Variants in PPP6C observed in about 807,000 individuals in gnomAD.
PPP6C encodes the protein serine/threonine-protein phosphatase 6 catalytic subunit.
Under a neutral mutation model 39.8 loss-of-function variants are expected in PPP6C, and 11 were observed. The ratio of observed to expected loss-of-function variants is 0.28; its 90% CI spans 0.17 to 0.46. PPP6C has a LOEUF of 0.46. Ranked by LOEUF, PPP6C falls within the 20% of genes least tolerant of loss-of-function variation. PPP6C has a pLI of 1.00. For synonymous variants in PPP6C, 129 were observed against 130.3 expected, an observed-to-expected ratio of 0.99 and a Z score of 0.07; for missense variants, 211 against 373.9, an observed-to-expected ratio of 0.56 and a Z score of 3.59.
intron 1 of PPP6C, among the ~76,000 whole-genome samples, chr9:125,172,363 C>A (rs900744503): frequency 6.6e-6 from 1 of 152,004 alleles, no homozygotes; most frequent in Non-Finnish European, 1.5e-5. Context: ...TACAGGCACA[C>A]ACCATCATGC....
At chr9:125,189,539 T>G (rs1014107090) in intron 1 of PPP6C, 105 bp downstream of exon 1, 3 of 1,549,470 alleles carry the variant, frequency 1.9e-6, no homozygotes, top group Non-Finnish European at 2.6e-6. Context: ...GGGGAGGCCC[T>G]CCACCGCGAC....
At chr9:125,181,983 A>G (rs1051982270) in intron 1 of PPP6C, among the ~76,000 whole-genome samples, 1 of 152,166 alleles carries the variant, frequency 6.6e-6, no homozygotes, top group African/African-American at 2.4e-5. Flanking sequence ...TAACTTTTTA[A>G]TGATTGCCAT....
intron 1 of PPP6C, among the ~76,000 whole-genome samples, chr9:125,174,321 G>A (rs536810481): frequency 6.6e-6 from 1 of 152,152 alleles, no homozygotes; most frequent in African/African-American, 2.4e-5. Context: ...GAGTGGGAGG[G>A]GGGAAAAAAG....
chr9:125,189,341 C>G (rs1341363494), intron 1 of PPP6C, among the ~76,000 whole-genome samples: 1 of 152,222 alleles, frequency 6.6e-6, no homozygotes, highest in South Asian at 2.1e-4. Flanking sequence ...GGTGGGGAGC[C>G]GAGCCTTCTA....
intron 2 of PPP6C, 106 bp downstream of exon 2, chr9:125,170,979 A>T: frequency 1.5e-6 from 1 of 684,396 alleles, no homozygotes; most frequent in Non-Finnish European, 2.3e-6. Context: ...GCTTACCACC[A>T]GTTGTGTTTG....
At chr9:125,171,231 A>G (rs1210760390) in intron 1 of PPP6C, 51 bp from the exon 2 acceptor site, 2 of 1,391,000 alleles carry the variant, frequency 1.4e-6, no homozygotes, top group Non-Finnish European at 2.0e-6. Flanking sequence ...ATTAAAACTA[A>G]AGATAAAATA....
chr9:125,172,704 G>C (rs2131330514), intron 1 of PPP6C, among the ~76,000 whole-genome samples: 1 of 146,490 alleles, frequency 6.8e-6, no homozygotes, highest in South Asian at 2.2e-4. Context: ...AAACTGCAAA[G>C]AACTGAATAC....
chr9:125,165,795 C>CTTTTTTTTTTTT (rs781221037), intron 2 of PPP6C, among the ~76,000 whole-genome samples: 34 of 113,582 alleles, frequency 3.0e-4, no homozygotes, highest in Non-Finnish European at 3.5e-4. Flanking sequence ...TAATCTTTTG[C>CTTTTTTTTTTTT]TTTTTTTTTT....
At chr9:125,169,025 C>A (rs1319999128) in intron 2 of PPP6C, among the ~76,000 whole-genome samples, 1 of 152,240 alleles carries the variant, frequency 6.6e-6, no homozygotes, top group Non-Finnish European at 1.5e-5. Flanking sequence ...TCCCAAAGTG[C>A]TGGGATTACA....
intron 1 of PPP6C, among the ~76,000 whole-genome samples, chr9:125,179,955 C>T (rs1184238492): frequency 1.3e-5 from 2 of 152,038 alleles, no homozygotes; most frequent in African/African-American, 2.4e-5. Flanking sequence ...ACACCCAGCC[C>T]GAATATAATT....
At chr9:125,168,727 G>C (rs761601647) in intron 2 of PPP6C, among the ~76,000 whole-genome samples, 1 of 151,888 alleles carries the variant, frequency 6.6e-6, no homozygotes, top group African/African-American at 2.4e-5. Flanking sequence ...AAAGTGCTGG[G>C]ATTACAGGCA....
intron 4 of PPP6C, among the ~76,000 whole-genome samples, chr9:125,156,185 G>A (rs549640573): frequency 7.2e-5 from 11 of 152,156 alleles, no homozygotes; most frequent in African/African-American, 1.2e-4. Context: ...AACTTTACAC[G>A]TATTAAAAAA....
At chr9:125,182,908 A>T (rs576243759) in intron 1 of PPP6C, among the ~76,000 whole-genome samples, 66 of 152,040 alleles carry the variant, frequency 4.3e-4, no homozygotes, top group Non-Finnish European at 6.5e-4. Flanking sequence ...CTATTAGAAC[A>T]GTGTTTAGAG....
intron 6 of PPP6C, chr9:125,151,546 C>G (rs1169765552): frequency 1.3e-5 from 11 of 825,016 alleles, no homozygotes; most frequent in Non-Finnish European, 2.1e-5. Context: ...GGAAAATTCA[C>G]AATGAAGAAT....
intron 1 of PPP6C, among the ~76,000 whole-genome samples, chr9:125,173,198 G>T (rs1187952732): frequency 6.6e-6 from 1 of 151,930 alleles, no homozygotes; most frequent in Admixed American, 6.6e-5. Flanking sequence ...GGATCACAAG[G>T]TCAGGAGTTC....
intron 4 of PPP6C, among the ~76,000 whole-genome samples, chr9:125,156,019 A>G (rs1836063278): frequency 6.6e-6 from 1 of 152,054 alleles, no homozygotes; most frequent in African/African-American, 2.4e-5. Context: ...TTTTTATAAC[A>G]TTAGTTTTAG....
At chr9:125,186,151 T>C (rs12237026) in intron 1 of PPP6C, among the ~76,000 whole-genome samples, 2,308 of 152,148 alleles carry the variant, frequency 0.015, 117 homozygotes, top group Admixed American at 0.082. Context: ...AGAACAAATC[T>C]TTTCCATCTT....
intron 4 of PPP6C, 108 bp downstream of exon 4, chr9:125,158,133 G>T: frequency 8.9e-7 from 1 of 1,123,238 alleles, no homozygotes; most frequent in Non-Finnish European, 1.3e-6. Context: ...AAGGAGTGAG[G>T]ATGTGGGGAA....
In PPP6C at chr9:125,148,990, C is replaced by T. The variant is rs900556928; in HGVS notation, c.*683G>A. On this transcript the variant is annotated 3_prime_UTR_variant, in exon 7 of 7. Transcript: ENST00000373547. Reference sequence around the variant, plus strand: ...CTGTTTAAAATTTCTAACACTTAACCTATCTGAGTTTTATTTAAGATTACT... The same window carrying T: ...CTGTTTAAAATTTCTAACACTTAACTTATCTGAGTTTTATTTAAGATTACT... 1 of 151,938 alleles carries T rather than the reference C, an allele frequency of 6.6e-6. No homozygotes were observed. The highest frequency in any genetic ancestry group is 2.4e-5 in the African/African-American group (1 of 41,392). The allele number at this position is 151,938 out of a possible 1,614,324, so 9.4% of individuals were successfully genotyped here. A position where few individuals can be genotyped will look rare whatever the true frequency, so the allele number is the denominator to read the frequency against.
Sources: allele counts gnomAD v4.1 joint callset (sites outside exome capture counted in the v4.1 genomes callset), GRCh38; gene constraint gnomAD v4.1.1; transcripts MANE v1.5; gene names NCBI Gene and HGNC (gene_info 2026-07-23, HGNC 2026-07-21).